Variants in DPYD observed in about 807,000 individuals in gnomAD.
The protein encoded by DPYD is dihydropyrimidine dehydrogenase [NADP(+)].
Under a neutral mutation model 116.2 loss-of-function variants are expected in DPYD, and 109 were observed. The observed-to-expected ratio is 0.94, with a 90% confidence interval of 0.80 to 1.10. DPYD has a LOEUF of 1.10. DPYD is among the 50% of genes least tolerant of loss of function. The pLI, the probability that DPYD is intolerant of heterozygous loss-of-function variation, is 0.00. For missense variants in DPYD, 1,302 were observed against 1,254.5 expected, an observed-to-expected ratio of 1.04 and a Z score of -0.57; for synonymous variants, 440 against 432.0, an observed-to-expected ratio of 1.02 and a Z score of -0.23.
intron 8 of DPYD, among the ~76,000 whole-genome samples, chr1:97,650,860 A>C: frequency 6.6e-6 from 1 of 152,158 alleles, no homozygotes; most frequent in East Asian, 1.9e-4. Flanking sequence ...ACACACACAC[A>C]CACACACAGG....
intron 20 of DPYD, among the ~76,000 whole-genome samples, chr1:97,128,056 A>G (rs902553297): frequency 6.6e-6 from 1 of 152,176 alleles, no homozygotes; most frequent in Non-Finnish European, 1.5e-5. Flanking sequence ...CCTCAGTATC[A>G]AGTATTAGTA....
Position 97,691,730 on chromosome 1 carries a change from T to G in DPYD, c.749A>C (p.Asp250Ala). 6.2e-7 allele frequency: 1 copy of G among 1,613,646 alleles called. No homozygotes were observed. Among genetic ancestry groups the G allele is most frequent in the Non-Finnish European group, 8.5e-7 (1 of 1,179,704 alleles). The change falls in exon 7 of 23, where the codon GAC (aspartate) becomes GCC (alanine). Residue 250 changes from aspartate (D) to alanine (A), a missense_variant. Transcript: ENST00000370192. ...VVNFEIELMK[D>A]LGVKIICGKS... The stretch of plus-strand genomic sequence containing the variant: ...TTTTTCATTTACCTTTACACCAAGG[T>G]CCTTCATTAGCTCAATCTCAAAATT...
At chr1:97,603,742 A>G (rs1405020441) in intron 8 of DPYD, among the ~76,000 whole-genome samples, 1 of 152,158 alleles carries the variant, frequency 6.6e-6, no homozygotes, top group African/African-American at 2.4e-5. Flanking sequence ...AGGCACTGAT[A>G]ACCCCTTTAT....
At position 97,218,269 on chromosome 1, in the gene DPYD, C is replaced by T. The variant is rs115641725; in HGVS notation, c.2442+16583G>A. Among the ~76,000 whole-genome samples the T allele has an allele frequency of 7.9e-3, 1,202 of 152,024 alleles. 18 individuals are homozygous for T. The highest frequency in any genetic ancestry group is 0.027 in the African/African-American group (1,122 of 41,454). On this transcript the variant is annotated intron_variant, in intron 19 of 22. Coordinates refer to ENST00000370192, the MANE Select transcript of DPYD (RefSeq NM_000110.4). Reference sequence around the variant, plus strand: ...CATGTAACAAAACTGCACTTGTAATCCTTAAATTTACACAAAGAAAAAAAT... The same window carrying T: ...CATGTAACAAAACTGCACTTGTAATTCTTAAATTTACACAAAGAAAAAAAT...
At chr1:97,545,128 T>C (rs1243569489) in intron 12 of DPYD, among the ~76,000 whole-genome samples, 1 of 152,120 alleles carries the variant, frequency 6.6e-6, no homozygotes, top group East Asian at 1.9e-4. Flanking sequence ...GAATAAAACT[T>C]AGATAAGTAG....
intron 3 of DPYD, among the ~76,000 whole-genome samples, chr1:97,791,364 C>T (rs930205204): frequency 6.6e-6 from 1 of 152,134 alleles, no homozygotes; most frequent in Admixed American, 6.5e-5. Context: ...AGGAAAACAT[C>T]TTCACAAAAT....
At chr1:97,248,037 A>G (rs1306145188) in intron 18 of DPYD, among the ~76,000 whole-genome samples, 2 of 152,206 alleles carry the variant, frequency 1.3e-5, no homozygotes, top group Non-Finnish European at 2.9e-5. Context: ...TGATATTGAA[A>G]CCTGACAAAT....
At chr1:97,645,512 T>A (rs759323567) in intron 8 of DPYD, among the ~76,000 whole-genome samples, 5 of 152,136 alleles carry the variant, frequency 3.3e-5, no homozygotes, top group Non-Finnish European at 7.4e-5. Flanking sequence ...TTTTCTACAC[T>A]GATTTCAAAT....
chr1:97,337,135 T>A (rs1669333463), intron 16 of DPYD, among the ~76,000 whole-genome samples: 1 of 152,008 alleles, frequency 6.6e-6, no homozygotes, highest in Admixed American at 6.6e-5. Context: ...GGTGGCAGAA[T>A]CAAAGCAATT....
At chr1:97,753,031 T>C (rs947554526) in intron 3 of DPYD, among the ~76,000 whole-genome samples, 1 of 152,224 alleles carries the variant, frequency 6.6e-6, no homozygotes, top group Non-Finnish European at 1.5e-5. Flanking sequence ...CAAATCTTTA[T>C]AATTTAAACA....
intron 12 of DPYD, among the ~76,000 whole-genome samples, chr1:97,539,320 T>C (rs928517458): frequency 6.6e-6 from 1 of 152,184 alleles, no homozygotes; most frequent in African/African-American, 2.4e-5. Flanking sequence ...CCCTAAATGT[T>C]TGATTTTCAT....
At chr1:97,883,434 T>C in intron 1 of DPYD, 60 bp from the exon 2 acceptor site, 1 of 1,211,298 alleles carries the variant, frequency 8.3e-7, no homozygotes, top group Non-Finnish European at 1.2e-6. Context: ...TGTTTAAACT[T>C]ATTTTTATTT....
chr1:97,545,676 G>T (rs1046802149), intron 12 of DPYD: 61 of 718,328 alleles, frequency 8.5e-5, no homozygotes, highest in Non-Finnish European at 2.9e-5. Context: ...CAGGAGGTAA[G>T]ATTAAAAACT....
intron 14 of DPYD, among the ~76,000 whole-genome samples, chr1:97,385,667 C>G (rs1377681550): frequency 6.6e-6 from 1 of 152,016 alleles, no homozygotes; most frequent in Non-Finnish European, 1.5e-5. Context: ...GCATGTGCAC[C>G]TCCCTCTCCA....
rs531558402 is a variant in DPYD, at chr1:97,634,555, C to T, written c.851-39389G>A. Among the ~76,000 whole-genome samples, 4 of 152,148 alleles carry T rather than the reference C, an allele frequency of 2.6e-5. No homozygotes were observed. The East Asian group carries it at 7.7e-4, about 29-fold the overall frequency. ...AAAATAACTAAAAAGATAATTCTTA[C>T]TCTGAAGATGTCAAAGCAGTAATTA... On this transcript the variant is annotated intron_variant, in intron 8 of 22. Coordinates refer to ENST00000370192, the MANE Select transcript of DPYD (RefSeq NM_000110.4).
intron 18 of DPYD, chr1:97,296,071 C>G (rs183035493): frequency 6.6e-6 from 1 of 151,784 alleles, no homozygotes; most frequent in Admixed American, 6.6e-5. Context: ...CCCTTACTTT[C>G]GAAAAAAAGC....
intron 21 of DPYD, 82 bp downstream of exon 21, chr1:97,098,407 A>C: frequency 1.3e-6 from 2 of 1,503,834 alleles, no homozygotes; most frequent in South Asian, 2.3e-5. Flanking sequence ...TGATACATTT[A>C]AGCAGTAAAT....
chr1:97,532,068 T>C (rs748830969), intron 12 of DPYD, among the ~76,000 whole-genome samples: 3 of 152,024 alleles, frequency 2.0e-5, no homozygotes, highest in African/African-American at 7.2e-5. Flanking sequence ...CCTCTGCAAA[T>C]AGTTAATTTT....
chr1:97,368,221 G>C (rs1054844957), intron 16 of DPYD, among the ~76,000 whole-genome samples: 1 of 152,128 alleles, frequency 6.6e-6, no homozygotes, highest in Non-Finnish European at 1.5e-5. Flanking sequence ...CAGAACACTA[G>C]ACAGGGGTCA....
Sources: gnomAD v4.1 joint callset for allele counts (sites outside exome capture counted in the v4.1 genomes callset) on GRCh38, gnomAD v4.1.1 for gene constraint, MANE v1.5 for transcripts, NCBI Gene and HGNC (gene_info 2026-07-23, HGNC 2026-07-21) for gene names.